DYNLT5: variants seen among roughly 807,000 people sequenced by gnomAD.
DYNLT5 encodes the protein dynein light chain Tctex-type family member 5.
In DYNLT5, 25 loss-of-function variants were observed where a neutral mutation model predicts 19.3. That is an observed-to-expected ratio of 1.30 (90% CI 0.95 to 1.81). DYNLT5 has a LOEUF of 1.81. Ranked by LOEUF, DYNLT5 falls within the 40% of genes most tolerant of loss-of-function variation. The probability of loss-of-function intolerance (pLI) is 0.00; values close to 1 mark genes in which losing one functional copy is unlikely to be tolerated. For synonymous variants in DYNLT5, 82 were observed against 68.9 expected, an observed-to-expected ratio of 1.19 and a Z score of -0.94; for missense variants, 232 against 217.9, an observed-to-expected ratio of 1.06 and a Z score of -0.41.
rs2094651803 is a variant in DYNLT5, at chr1:66,764,786, G to A, written c.120-5601G>A. Among the ~76,000 whole-genome samples the A allele has an allele frequency of 2.0e-5, 3 of 152,170 alleles. No individual in the cohort carries two copies. The South Asian group carries it at 6.2e-4, about 32-fold the overall frequency. On this transcript the variant is annotated intron_variant, in intron 2 of 4. Transcript: ENST00000282670. ...CAGAATAAAGTGAGTCACAATAAAT[G>A]AGATATGCCTGTACATAAAAATCCA...
At chr1:66,776,833 A>G (rs954497768) in intron 4 of DYNLT5, among the ~76,000 whole-genome samples, 3 of 152,170 alleles carry the variant, frequency 2.0e-5, no homozygotes, top group African/African-American at 7.2e-5. Context: ...TTTTGATAAC[A>G]AACTCTTTAA....
intron 4 of DYNLT5, 149 bp downstream of exon 4, chr1:66,776,552 T>TG (rs1167831216): frequency 2.7e-6 from 2 of 740,020 alleles, no homozygotes; most frequent in African/African-American, 4.4e-5. Flanking sequence ...CATATATGTG[T>TG]GTGTGTGGGT....
intron 2 of DYNLT5, among the ~76,000 whole-genome samples, chr1:66,763,693 A>G (rs1374871608): frequency 1.3e-5 from 2 of 152,150 alleles, no homozygotes; most frequent in Non-Finnish European, 2.9e-5. Context: ...AACTTCTTCC[A>G]TAGCTTCCTC....
Position 66,770,422 on chromosome 1 carries a change from G to A in DYNLT5, c.155G>A (p.Ser52Asn). ...ACTGTGTCTTATATGGAAGAACCCA[G>A]TCAGCGTGATGATATCTCTCGCCTT... ...MSTVSYMEEPSQRDDISRLTV... is the reference protein window; with the variant it reads ...MSTVSYMEEPNQRDDISRLTV... The change falls in exon 3 of 5, where the codon AGT becomes AAT. Residue 52 changes from serine to asparagine, a missense_variant. Transcript: ENST00000282670. The A allele has an allele frequency of 1.2e-6, 2 of 1,613,564 alleles. No homozygotes were observed. Among genetic ancestry groups the A allele is most frequent in the Non-Finnish European group, 1.7e-6 (2 of 1,179,692 alleles).
rs1476032794 is a variant in DYNLT5, at chr1:66,777,403, A to T, written c.489A>T (p.Arg163Ser). The change falls in exon 5 of 5, where the codon AGA (arginine) becomes AGT (serine). Residue 163 changes from arginine to serine, a missense_variant. Transcript: ENST00000282670. Reference sequence around the variant, plus strand: ...ATACCTTTTCATCTTATGTTTTCAGAAATTCTTCTCTCTTCGCTCTTGCAA... The same window carrying T: ...ATACCTTTTCATCTTATGTTTTCAGTAATTCTTCTCTCTTCGCTCTTGCAA... ...KSDTFSSYVFRNSSLFALANV... is the reference protein window; with the variant it reads ...KSDTFSSYVFSNSSLFALANV... The T allele has an allele frequency of 6.2e-7, 1 of 1,613,914 alleles. No homozygotes were observed. The highest frequency in any genetic ancestry group is 8.5e-7 in the Non-Finnish European group (1 of 1,179,872).
Position 66,777,508 on chromosome 1 carries a change from G to A in DYNLT5, c.*54G>A. 1.3e-6 allele frequency: 2 copies of A among 1,510,604 alleles called. No individual in the cohort carries two copies. The highest frequency in any genetic ancestry group is 1.8e-6 in the Non-Finnish European group (2 of 1,112,702). The allele number at this position is 1,510,604 out of a possible 1,614,324, so 93.6% of individuals were successfully genotyped here. ...TTGAAAATTCTGAGGCAGGCTGTAT[G>A]TCTGTACACAAAAGTTTTACTGCCA... On this transcript the variant is annotated 3_prime_UTR_variant, in exon 5 of 5. Transcript: ENST00000282670.
At chr1:66,755,111 T>C (rs1161445267) in intron 2 of DYNLT5, among the ~76,000 whole-genome samples, 1 of 152,206 alleles carries the variant, frequency 6.6e-6, no homozygotes, top group African/African-American at 2.4e-5. Context: ...TGCATTTTTG[T>C]AATCAATACA....
chr1:66,770,641 A>G (rs767703598), intron 3 of DYNLT5, 163 bp downstream of exon 3: 1 of 711,462 alleles, frequency 1.4e-6, no homozygotes, highest in South Asian at 1.5e-5. Context: ...TTCCTCAGCA[A>G]AAAGGTAACA....
intron 4 of DYNLT5, 110 bp from the exon 5 acceptor site, chr1:66,777,141 C>G: frequency 1.1e-6 from 1 of 893,862 alleles, no homozygotes; most frequent in Non-Finnish European, 1.7e-6. Flanking sequence ...CTGAAAGTAT[C>G]TACAATGCAT....
Position 66,777,292 on chromosome 1 carries a change from T to C in DYNLT5, c.378T>C (p.Tyr126=). 1 of 1,613,850 alleles carries C rather than the reference T, an allele frequency of 6.2e-7. No individual in the cohort carries two copies. Among genetic ancestry groups the C allele is most frequent in the Non-Finnish European group, 8.5e-7 (1 of 1,179,822 alleles). Residue 126 remains tyrosine, a synonymous_variant, in exon 5 of 5, where the codon TAT becomes TAC. Coordinates refer to ENST00000282670, the MANE Select transcript of DYNLT5 (RefSeq NM_152665.3). ...AQVKDLMIPR[Y]KLIVIVHIGQ... ...TCAAGGACTTGATGATTCCACGGTA[T>C]AAACTAATTGTGATTGTTCACATTG...
intron 1 of DYNLT5, among the ~76,000 whole-genome samples, chr1:66,754,198 C>A (rs1434605189): frequency 6.6e-6 from 1 of 152,180 alleles, no homozygotes; most frequent in African/African-American, 2.4e-5. Context: ...CATGATCATG[C>A]CACTGCACTC....
intron 2 of DYNLT5, among the ~76,000 whole-genome samples, chr1:66,759,810 G>A (rs906196916): frequency 3.9e-5 from 6 of 152,234 alleles, no homozygotes; most frequent in African/African-American, 1.4e-4. Flanking sequence ...ATACAGGGGT[G>A]TGTCTGCTTT....
At position 66,773,936 on chromosome 1, in the gene DYNLT5, A is replaced by T. The variant is rs1572552085; in HGVS notation, c.212-2343A>T. Among the ~76,000 whole-genome samples, 3 of 152,318 alleles carry T rather than the reference A, an allele frequency of 2.0e-5. No individual in the cohort carries two copies. The South Asian group carries it at 6.2e-4, about 32-fold the overall frequency. ...TTCAGAAGTCAGAAACTGAACATTG[A>T]TGGATGATTCTGGATGTTTAGGGGA... is the stretch of plus-strand genomic sequence containing the variant. On this transcript the variant is annotated intron_variant, in intron 3 of 4. Coordinates refer to ENST00000282670, the MANE Select transcript of DYNLT5 (RefSeq NM_152665.3).
In DYNLT5 at chr1:66,777,511, T is replaced by C; in HGVS notation, c.*57T>C. The C allele has an allele frequency of 6.7e-7, 1 of 1,490,954 alleles. No individual in the cohort carries two copies. Among genetic ancestry groups the C allele is most frequent in the Non-Finnish European group, 9.1e-7 (1 of 1,101,754 alleles). The allele number at this position is 1,490,954 out of a possible 1,614,324, so 92.4% of individuals were successfully genotyped here. A position where few individuals can be genotyped will look rare whatever the true frequency, so the allele number is the denominator to read the frequency against. ...AAAATTCTGAGGCAGGCTGTATGTC[T>C]GTACACAAAAGTTTTACTGCCAAAA... On this transcript the variant is annotated 3_prime_UTR_variant, in exon 5 of 5. Transcript: ENST00000282670.
intron 2 of DYNLT5, among the ~76,000 whole-genome samples, chr1:66,763,693 A>C (rs1374871608): frequency 6.6e-6 from 1 of 152,150 alleles, no homozygotes; most frequent in Admixed American, 6.5e-5. Context: ...AACTTCTTCC[A>C]TAGCTTCCTC....
chr1:66,769,381 T>C (rs1255639021), intron 2 of DYNLT5, among the ~76,000 whole-genome samples: 1 of 152,160 alleles, frequency 6.6e-6, no homozygotes, highest in Non-Finnish European at 1.5e-5. Flanking sequence ...TTGCAAGAAG[T>C]TCATTAATTC....
At chr1:66,770,582 A>G in intron 3 of DYNLT5, 104 bp downstream of exon 3, 4 of 902,752 alleles carry the variant, frequency 4.4e-6, no homozygotes, top group Non-Finnish European at 7.4e-6. Flanking sequence ...ATTCTAGCAC[A>G]ATATAAGGGA....
At position 66,778,004 on chromosome 1, in the gene DYNLT5, T is replaced by C. The variant is rs1645246844; in HGVS notation, c.*550T>C. The C allele has an allele frequency of 6.5e-6, 1 of 152,798 alleles. No individual in the cohort carries two copies. The highest frequency in any genetic ancestry group is 2.4e-5 in the African/African-American group (1 of 41,474). 9.5% of individuals were successfully genotyped at this position (152,798 alleles called of 1,614,324 possible). A position where few individuals can be genotyped will look rare whatever the true frequency, so the allele number is the denominator to read the frequency against. Reference sequence around the variant, plus strand: ...GTTGAAACTGCTGAGGTAGAATTAATGGCTTCATAACAATTATCGTGGTCC... The same window carrying C: ...GTTGAAACTGCTGAGGTAGAATTAACGGCTTCATAACAATTATCGTGGTCC... On this transcript the variant is annotated 3_prime_UTR_variant, in exon 5 of 5. Coordinates refer to ENST00000282670, the MANE Select transcript of DYNLT5 (RefSeq NM_152665.3).
intron 1 of DYNLT5, 147 bp downstream of exon 1, chr1:66,752,731 A>T (rs1423124187): frequency 8.6e-6 from 4 of 464,010 alleles, no homozygotes; most frequent in Non-Finnish European, 1.1e-5. Flanking sequence ...AGAAAAAATG[A>T]TCCCAAATTT....
Sources: allele counts gnomAD v4.1 joint callset (sites outside exome capture counted in the v4.1 genomes callset), GRCh38; gene constraint gnomAD v4.1.1; transcripts MANE v1.5; gene names NCBI Gene and HGNC (gene_info 2026-07-23, HGNC 2026-07-21).